The following UBE2D2 variants were observed in gnomAD, a reference collection of about 807,000 sequenced individuals.
The protein encoded by UBE2D2 is ubiquitin conjugating enzyme E2 D2, also known as ubiquitin-conjugating enzyme E2 D2.
Under a neutral mutation model 24.2 loss-of-function variants are expected in UBE2D2, and 2 were observed. The ratio of observed to expected loss-of-function variants is 0.08; its 90% CI spans 0.03 to 0.26. The LOEUF is 0.26. Among genes scored for constraint, UBE2D2 ranks in the 10% least tolerant of loss-of-function variants. The pLI, the probability that UBE2D2 is intolerant of heterozygous loss-of-function variation, is 1.00. For synonymous variants in UBE2D2, 58 were observed against 56.5 expected (o/e 1.03, Z -0.12); for missense variants, 44 against 177.6 (o/e 0.25, Z 4.28).
chr5:139,532,131 T>C lies in UBE2D2; in HGVS notation c.-64+5519T>C, dbSNP rs1010279841. On this transcript the variant is annotated intron_variant, in intron 1 of 6. Transcript: ENST00000511725. ...TATCTATCGAAAATTTCAGTTTGCA[T>C]ATCCTTTGACATAGCAATATTACAT... is the stretch of plus-strand genomic sequence containing the variant. 2.7e-4 allele frequency among the ~76,000 whole-genome samples: 41 copies of C among 152,016 alleles called. 1 individual carries two copies. The highest frequency in any genetic ancestry group is 8.9e-4 in the African/African-American group (37 of 41,396).
chr5:139,597,916 T>G (rs1029205878), intron 1 of UBE2D2, among the ~76,000 whole-genome samples: 4 of 152,226 alleles, frequency 2.6e-5, no homozygotes, highest in African/African-American at 4.8e-5. Flanking sequence ...ATTTCTTTTT[T>G]TTTGAGACGA....
intron 2 of UBE2D2, among the ~76,000 whole-genome samples, chr5:139,614,207 T>A (rs1442280449): frequency 1.3e-5 from 2 of 152,222 alleles, no homozygotes; most frequent in Non-Finnish European, 2.9e-5. Flanking sequence ...TCAAGAAGTT[T>A]TAGCCCAAAT....
chr5:139,586,657 C>T (rs919781393), intron 1 of UBE2D2, among the ~76,000 whole-genome samples: 2 of 151,872 alleles, frequency 1.3e-5, no homozygotes, highest in Non-Finnish European at 2.9e-5. Flanking sequence ...CCCAGCTACT[C>T]AGGAGGCTGA....
At chr5:139,538,450 T>C (rs1226774230) in intron 1 of UBE2D2, among the ~76,000 whole-genome samples, 3 of 152,098 alleles carry the variant, frequency 2.0e-5, no homozygotes, top group Admixed American at 1.3e-4. Flanking sequence ...AGGAAAGAAA[T>C]TCTACACATG....
At chr5:139,578,597 T>G (rs1426263395) in intron 1 of UBE2D2, among the ~76,000 whole-genome samples, 1 of 151,964 alleles carries the variant, frequency 6.6e-6, no homozygotes, top group Non-Finnish European at 1.5e-5. Flanking sequence ...GGACAGCAGG[T>G]GTGTGCTACC....
chr5:139,585,079 T>A (rs987512708), intron 1 of UBE2D2, among the ~76,000 whole-genome samples: 1 of 151,754 alleles, frequency 6.6e-6, no homozygotes, highest in Non-Finnish European at 1.5e-5. Flanking sequence ...TTTGTATTTT[T>A]AGTAGAGACA....
Position 139,614,586 on chromosome 5 carries a change from T to C in UBE2D2, c.89T>C (p.Met30Thr). The C allele has an allele frequency of 6.2e-7, 1 of 1,612,802 alleles. No individual in the cohort carries two copies. ...QCSAGPVGDD[M>T]FHWQATIMGP... Reference sequence around the variant, plus strand: ...TGACTTTTTTCTTGTTATTTTTCAGTGTTCCATTGGCAAGCTACAATAATG... The same window carrying C: ...TGACTTTTTTCTTGTTATTTTTCAGCGTTCCATTGGCAAGCTACAATAATG... The change falls in exon 3 of 7, where the codon ATG becomes ACG. Residue 30 changes from methionine (M) to threonine (T), a missense_variant and splice_region_variant. Coordinates refer to ENST00000398733, the MANE Select transcript of UBE2D2 (RefSeq NM_003339.3).
chr5:139,592,722 C>T (rs1393205512), intron 1 of UBE2D2, among the ~76,000 whole-genome samples: 1 of 151,032 alleles, frequency 6.6e-6, no homozygotes, highest in African/African-American at 2.4e-5. Context: ...CCTGCCTCAG[C>T]CTCCCGAGTA....
chr5:139,534,244 C>G (rs1752634222), intron 1 of UBE2D2, among the ~76,000 whole-genome samples: 1 of 150,898 alleles, frequency 6.6e-6, no homozygotes, highest in Admixed American at 6.7e-5. Flanking sequence ...ACCAGCCTGA[C>G]CAACATGGAG....
intron 1 of UBE2D2, among the ~76,000 whole-genome samples, chr5:139,596,897 A>T (rs915048617): frequency 6.6e-6 from 1 of 151,894 alleles, no homozygotes; most frequent in African/African-American, 2.4e-5. Flanking sequence ...TACAAAAAAA[A>T]TTAGCCCGGC....
chr5:139,547,352 G>C (rs763338181), intron 1 of UBE2D2, among the ~76,000 whole-genome samples: 39 of 152,070 alleles, frequency 2.6e-4, no homozygotes, highest in Non-Finnish European at 5.4e-4. Flanking sequence ...CATGAGTCAG[G>C]GGGTAATTTG....
chr5:139,577,404 C>CTTTTT (rs869189901), intron 1 of UBE2D2, among the ~76,000 whole-genome samples: 48 of 69,116 alleles, frequency 6.9e-4, no homozygotes, highest in South Asian at 1.2e-3. Context: ...TAGCATCTCT[C>CTTTTT]TTTTTTTTTT....
At chr5:139,543,686 G>A (rs866084460) in intron 1 of UBE2D2, among the ~76,000 whole-genome samples, 1 of 152,346 alleles carries the variant, frequency 6.6e-6, no homozygotes, top group Non-Finnish European at 1.5e-5. Context: ...GGTTCACGCC[G>A]GTCTTCGCCA....
intron 1 of UBE2D2, among the ~76,000 whole-genome samples, chr5:139,553,270 CTTCATCAGCCATTCTCATAAAACACGA>C (rs1752944251): frequency 6.6e-6 from 1 of 152,178 alleles, no homozygotes; most frequent in South Asian, 2.1e-4. Flanking sequence ...TTCAATACTG[CTTCATCAGCCATTCTCATAAAACACGA>C]TGAGCTCCCC....
chr5:139,529,056 A>G (rs1346347758), intron 1 of UBE2D2, among the ~76,000 whole-genome samples: 1 of 152,234 alleles, frequency 6.6e-6, no homozygotes, highest in Non-Finnish European at 1.5e-5. Context: ...GACCTTCCTC[A>G]GACTGAAAAC....
intron 1 of UBE2D2, among the ~76,000 whole-genome samples, chr5:139,542,512 G>A (rs988212563): frequency 2.0e-5 from 3 of 152,026 alleles, no homozygotes; most frequent in African/African-American, 4.8e-5. Context: ...GTGGAGATGG[G>A]GTTTTGCCGT....
At chr5:139,600,187 A>G (rs1382675282) in intron 1 of UBE2D2, 185 bp from the exon 2 acceptor site, 2 of 696,680 alleles carry the variant, frequency 2.9e-6, no homozygotes, top group Non-Finnish European at 5.1e-6. Flanking sequence ...AAAAAAATAC[A>G]CATTGCCTTG....
chr5:139,551,123 T>G (rs1752915135), intron 1 of UBE2D2, among the ~76,000 whole-genome samples: 1 of 152,098 alleles, frequency 6.6e-6, no homozygotes, highest in African/African-American at 2.4e-5. Context: ...GGCGGGTGGA[T>G]TGTCTGAAGT....
chr5:139,592,671 C>T (rs1190981877), intron 1 of UBE2D2, among the ~76,000 whole-genome samples: 5 of 148,176 alleles, frequency 3.4e-5, no homozygotes, highest in South Asian at 2.1e-4. Flanking sequence ...GGCACGACCT[C>T]GGCTCACTGC....
Sources: gnomAD v4.1 joint callset for allele counts (sites outside exome capture counted in the v4.1 genomes callset) on GRCh38, gnomAD v4.1.1 for gene constraint, MANE v1.5 for transcripts, NCBI Gene and HGNC (gene_info 2026-07-23, HGNC 2026-07-21) for gene names.